CNTN4: variants seen among roughly 807,000 people sequenced by gnomAD.
The protein encoded by CNTN4 is contactin 4, also known as contactin-4.
A neutral mutation model predicts 122.5 loss-of-function variants in CNTN4; 77 were observed. The ratio of observed to expected loss-of-function variants is 0.63; its 90% confidence interval spans 0.52 to 0.76. The LOEUF (loss-of-function observed/expected upper bound fraction) is 0.76, where lower values mean the gene tolerates loss of function less well. Ranked by LOEUF, CNTN4 falls within the 30% of genes least tolerant of loss-of-function variation. The pLI, the probability that CNTN4 is intolerant of heterozygous loss-of-function variation, is 0.00. For missense variants in CNTN4, 1,256 were observed against 1,259.1 expected (o/e 1.00, Z 0.04); for synonymous variants, 512 against 447.0 (o/e 1.15, Z -1.83).
intron 3 of CNTN4, among the ~76,000 whole-genome samples, chr3:2,487,563 C>G (rs1247403205): frequency 2.0e-5 from 3 of 152,184 alleles, no homozygotes; most frequent in African/African-American, 7.2e-5. Context: ...ACCAGCATTT[C>G]CAAATACTCT....
intron 3 of CNTN4, among the ~76,000 whole-genome samples, chr3:2,340,708 TATAGAGAG>T (rs1378473855): frequency 7.9e-5 from 2 of 25,362 alleles, no homozygotes; most frequent in African/African-American, 1.6e-4. Context: ...TATATATATA[TATAGAGAG>T]AGAGAGAGAG....
At chr3:2,869,560 G>T (rs750457169) in intron 8 of CNTN4, among the ~76,000 whole-genome samples, 51 of 152,132 alleles carry the variant, frequency 3.4e-4, no homozygotes, top group Non-Finnish European at 5.1e-4. Context: ...AACATTATTT[G>T]TAAAACCAAA....
At chr3:2,364,804 GACACCTCTCT>G (rs1450944593) in intron 3 of CNTN4, among the ~76,000 whole-genome samples, 4 of 152,152 alleles carry the variant, frequency 2.6e-5, no homozygotes, top group Non-Finnish European at 5.9e-5. Context: ...GTTAAAAAGA[GACACCTCTCT>G]ATGGTGAATC....
chr3:2,752,604 G>C (rs753366052), intron 6 of CNTN4, among the ~76,000 whole-genome samples: 1 of 152,148 alleles, frequency 6.6e-6, no homozygotes, highest in Non-Finnish European at 1.5e-5. Flanking sequence ...GCCCATCTCG[G>C]CCTCCCAAAG....
intron 3 of CNTN4, among the ~76,000 whole-genome samples, chr3:2,423,743 C>A (rs942446927): frequency 6.6e-6 from 1 of 151,920 alleles, no homozygotes; most frequent in Non-Finnish European, 1.5e-5. Flanking sequence ...ATTTTTTGCT[C>A]TCTTTTAATA....
intron 9 of CNTN4, 69 bp downstream of exon 9, chr3:2,883,316 T>G (rs2150984879): frequency 9.0e-7 from 1 of 1,116,322 alleles, no homozygotes; most frequent in Non-Finnish European, 1.3e-6. Context: ...TTTCTTGCAC[T>G]GTTCACAGCG....
intron 13 of CNTN4, among the ~76,000 whole-genome samples, chr3:2,929,023 T>A (rs941022550): frequency 2.0e-5 from 3 of 152,220 alleles, no homozygotes; most frequent in African/African-American, 4.8e-5. Flanking sequence ...TAGCCTTATC[T>A]ATGTTAATCC....
chr3:2,919,555 G>C (rs1163939155), intron 12 of CNTN4, among the ~76,000 whole-genome samples: 3 of 152,116 alleles, frequency 2.0e-5, no homozygotes, highest in Non-Finnish European at 4.4e-5. Context: ...CTATTTCCTA[G>C]CTACTGAAAT....
intron 12 of CNTN4, among the ~76,000 whole-genome samples, chr3:2,921,923 G>A (rs190850700): frequency 7.2e-5 from 11 of 152,200 alleles, no homozygotes; most frequent in African/African-American, 2.2e-4. Context: ...GAATTACATA[G>A]AGGGCTTCTC....
chr3:2,109,431 A>G (rs2032768086), intron 2 of CNTN4, among the ~76,000 whole-genome samples: 1 of 152,172 alleles, frequency 6.6e-6, no homozygotes. Flanking sequence ...AACCACAGTG[A>G]CATATCCTCT....
chr3:2,784,310 T>G (rs2091724111), intron 6 of CNTN4, among the ~76,000 whole-genome samples: 1 of 152,190 alleles, frequency 6.6e-6, no homozygotes, highest in South Asian at 2.1e-4. Flanking sequence ...GAAAACAATT[T>G]AATCATTATG....
At chr3:2,832,523 G>T (rs2093126292) in intron 7 of CNTN4, among the ~76,000 whole-genome samples, 1 of 152,162 alleles carries the variant, frequency 6.6e-6, no homozygotes, top group Admixed American at 6.5e-5. Flanking sequence ...AAGTAGTTCT[G>T]TGGCTTAGAT....
intron 2 of CNTN4, among the ~76,000 whole-genome samples, chr3:2,291,248 C>T (rs1016265281): frequency 3.9e-5 from 6 of 152,100 alleles, no homozygotes; most frequent in African/African-American, 1.4e-4. Flanking sequence ...CTGTGTTCGT[C>T]CCCAGTGCTA....
At chr3:2,740,611 A>T (rs1235621294) in intron 5 of CNTN4, among the ~76,000 whole-genome samples, 1 of 152,182 alleles carries the variant, frequency 6.6e-6, no homozygotes, top group Non-Finnish European at 1.5e-5. Flanking sequence ...TTTATAACTT[A>T]CATACATCTT....
At chr3:2,932,116 G>A (rs911419358) in intron 13 of CNTN4, among the ~76,000 whole-genome samples, 3 of 152,084 alleles carry the variant, frequency 2.0e-5, no homozygotes, top group Admixed American at 6.6e-5. Flanking sequence ...AGTGGCTCAC[G>A]CCTGTCATCC....
At chr3:2,324,938 C>T (rs1227521409) in intron 2 of CNTN4, among the ~76,000 whole-genome samples, 4 of 152,048 alleles carry the variant, frequency 2.6e-5, no homozygotes, top group Non-Finnish European at 4.4e-5. Context: ...GAAAATCTTC[C>T]CCCCAGTTTT....
intron 6 of CNTN4, among the ~76,000 whole-genome samples, chr3:2,812,150 G>T (rs1362452589): frequency 6.6e-6 from 1 of 152,130 alleles, no homozygotes; most frequent in Non-Finnish European, 1.5e-5. Flanking sequence ...GGAGGGAGAG[G>T]ATCAGGAAAA....
chr3:2,269,151 T>A (rs897348985), intron 2 of CNTN4, among the ~76,000 whole-genome samples: 3 of 152,118 alleles, frequency 2.0e-5, no homozygotes, highest in African/African-American at 7.2e-5. Flanking sequence ...TTCAAAGGTG[T>A]ACCCTTCAAA....
chr3:2,680,329 T>TGGGAAGAGGTAACAAGATG (rs1472370106), intron 4 of CNTN4, among the ~76,000 whole-genome samples: 1 of 152,166 alleles, frequency 6.6e-6, no homozygotes, highest in Admixed American at 6.5e-5. Flanking sequence ...AAGGGCATGC[T>TGGGAAGAGGTAACAAGATG]GGGAAGAGGT....
Sources: allele counts gnomAD v4.1 joint callset (sites outside exome capture counted in the v4.1 genomes callset), GRCh38; gene constraint gnomAD v4.1.1; transcripts MANE v1.5; gene names NCBI Gene and HGNC (gene_info 2026-07-23, HGNC 2026-07-21).